LRRFIP2: variants seen among roughly 807,000 people sequenced by gnomAD.
The protein encoded by LRRFIP2 is LRR binding FLII interacting protein 2.
Under a neutral mutation model 125.9 loss-of-function variants are expected in LRRFIP2, and 109 were observed. The ratio of observed to expected loss-of-function variants is 0.87; its 90% CI spans 0.74 to 1.01. The LOEUF is 1.01. LRRFIP2 is among the 50% of genes least tolerant of loss of function. LRRFIP2 has a pLI of 0.00. For missense variants in LRRFIP2, 850 were observed against 862.3 expected, an observed-to-expected ratio of 0.99 and a Z score of 0.18; for synonymous variants, 291 against 293.1, an observed-to-expected ratio of 0.99 and a Z score of 0.07.
At chr3:37,056,522 C>T (rs2086915928) in intron 25 of LRRFIP2, among the ~76,000 whole-genome samples, 1 of 151,260 alleles carries the variant, frequency 6.6e-6, no homozygotes, top group African/African-American at 2.4e-5. Flanking sequence ...GGCGCGATCT[C>T]GGCTCACTGC....
intron 1 of LRRFIP2, among the ~76,000 whole-genome samples, chr3:37,157,217 C>T (rs1352717437): frequency 5.3e-5 from 8 of 152,002 alleles, no homozygotes; most frequent in African/African-American, 9.7e-5. Context: ...CTGAGGCAGG[C>T]GGATCACTTG....
At chr3:37,114,776 G>T (rs186286260) in intron 7 of LRRFIP2, among the ~76,000 whole-genome samples, 2 of 150,552 alleles carry the variant, frequency 1.3e-5, no homozygotes, top group African/African-American at 2.4e-5. Context: ...TTGACAGAGA[G>T]GGACCCCATC....
intron 3 of LRRFIP2, among the ~76,000 whole-genome samples, 184 bp downstream of exon 3, chr3:37,128,879 T>C (rs1045300981): frequency 2.6e-5 from 4 of 152,226 alleles, no homozygotes; most frequent in African/African-American, 7.2e-5. Flanking sequence ...AATGTGTTTG[T>C]TGTTACTACT....
intron 21 of LRRFIP2, 115 bp from the exon 22 acceptor site, chr3:37,066,440 G>T: frequency 2.5e-6 from 2 of 797,240 alleles, no homozygotes; most frequent in East Asian, 5.0e-5. Context: ...AAGCAAGAAA[G>T]CAGTCAAAAG....
At chr3:37,076,302 T>C (rs979450418) in intron 19 of LRRFIP2, among the ~76,000 whole-genome samples, 80 of 151,992 alleles carry the variant, frequency 5.3e-4, no homozygotes, top group African/African-American at 1.9e-3. Context: ...AGCAGGCAGA[T>C]CCCTTGAGCC....
At chr3:37,055,044 G>A in intron 26 of LRRFIP2, 42 bp downstream of exon 26, 1 of 1,325,588 alleles carries the variant, frequency 7.5e-7, no homozygotes, top group Non-Finnish European at 1.1e-6. Flanking sequence ...TTAGATGCAG[G>A]AAGGACATTT....
chr3:37,134,012 T>C (rs533722918), intron 2 of LRRFIP2, among the ~76,000 whole-genome samples: 1 of 152,112 alleles, frequency 6.6e-6, no homozygotes, highest in African/African-American at 2.4e-5. Context: ...TGAAACCCCA[T>C]CTCTACTAAA....
chr3:37,110,840 C>A, intron 9 of LRRFIP2, 151 bp downstream of exon 9: 1 of 586,184 alleles, frequency 1.7e-6, no homozygotes, highest in Non-Finnish European at 3.0e-6. Context: ...TTTAAAGAGA[C>A]TCCCACAGAC....
At chr3:37,145,144 CT>C (rs2095824535) in intron 2 of LRRFIP2, among the ~76,000 whole-genome samples, 2 of 152,128 alleles carry the variant, frequency 1.3e-5, no homozygotes, top group Admixed American at 1.3e-4. Context: ...TGTTTAACCA[CT>C]TTAAGTTTTT....
intron 2 of LRRFIP2, among the ~76,000 whole-genome samples, chr3:37,145,439 G>T (rs1326355287): frequency 6.6e-6 from 1 of 152,146 alleles, no homozygotes; most frequent in Admixed American, 6.5e-5. Flanking sequence ...GGGAAAAAAA[G>T]GTGTTGCTAG....
intron 6 of LRRFIP2, among the ~76,000 whole-genome samples, chr3:37,117,466 T>C (rs1386880460): frequency 6.6e-6 from 1 of 152,080 alleles, no homozygotes. Flanking sequence ...CCCCAATAAG[T>C]AAAAGTTGGC....
At position 37,083,622 on chromosome 3, in the gene LRRFIP2, A is replaced by G; in HGVS notation, c.1278+14T>C. 1.3e-6 allele frequency: 2 copies of G among 1,531,678 alleles called. No individual in the cohort carries two copies. Among genetic ancestry groups the G allele is most frequent in the Non-Finnish European group, 1.7e-6 (2 of 1,146,426 alleles). The allele number at this position is 1,531,678 out of a possible 1,614,324, so 94.9% of individuals were successfully genotyped here. A position where few individuals can be genotyped will look rare whatever the true frequency, so the allele number is the denominator to read the frequency against. On this transcript the variant is annotated intron_variant, in intron 19 of 27. Coordinates refer to ENST00000336686, the MANE Select transcript of LRRFIP2 (RefSeq NM_006309.4). ...TATTTTCTGCCCCAAGAGAAAATACAAGATAAGCATTACCTTTGATTTTTC... is the reference window on the plus strand; with the variant it reads ...TATTTTCTGCCCCAAGAGAAAATACGAGATAAGCATTACCTTTGATTTTTC...
At chr3:37,081,611 C>T (rs1048518189) in intron 19 of LRRFIP2, among the ~76,000 whole-genome samples, 6 of 152,174 alleles carry the variant, frequency 3.9e-5, no homozygotes, top group African/African-American at 9.6e-5. Context: ...AGACCTGCCA[C>T]GGTGGCTCAC....
chr3:37,108,299 C>A (rs530702957), intron 12 of LRRFIP2, among the ~76,000 whole-genome samples, 170 bp from the exon 13 acceptor site: 11 of 152,288 alleles, frequency 7.2e-5, no homozygotes, highest in African/African-American at 2.6e-4. Flanking sequence ...TCCACCAGCC[C>A]TTGGCTAGAG....
chr3:37,152,703 A>G (rs1305242780), intron 1 of LRRFIP2, among the ~76,000 whole-genome samples: 1 of 152,200 alleles, frequency 6.6e-6, no homozygotes, highest in Non-Finnish European at 1.5e-5. Flanking sequence ...TCAGCCTTCC[A>G]AAGTGCTAGG....
intron 2 of LRRFIP2, among the ~76,000 whole-genome samples, chr3:37,147,635 G>A (rs1395149111): frequency 1.3e-5 from 2 of 152,180 alleles, no homozygotes; most frequent in Non-Finnish European, 2.9e-5. Context: ...AGTGTGTAAT[G>A]TGTCAAAAGG....
chr3:37,122,795 T>C (rs1369213200), intron 4 of LRRFIP2, among the ~76,000 whole-genome samples: 1 of 152,206 alleles, frequency 6.6e-6, no homozygotes, highest in Admixed American at 6.5e-5. Context: ...CTAAATTAAA[T>C]GTAATTCTAA....
intron 2 of LRRFIP2, among the ~76,000 whole-genome samples, chr3:37,129,911 C>T (rs1368896349): frequency 1.3e-5 from 2 of 152,084 alleles, no homozygotes; most frequent in Admixed American, 1.3e-4. Context: ...GAAAATTACT[C>T]GAACCTGGAA....
At chr3:37,172,889 G>C (rs577615728) in intron 1 of LRRFIP2, 1 of 152,242 alleles carries the variant, frequency 6.6e-6, no homozygotes, top group South Asian at 2.1e-4. Flanking sequence ...TCCTTCTGAA[G>C]TTTTAAAAGT....
Sources: allele counts gnomAD v4.1 joint callset (sites outside exome capture counted in the v4.1 genomes callset), GRCh38; gene constraint gnomAD v4.1.1; transcripts MANE v1.5; gene names NCBI Gene and HGNC (gene_info 2026-07-23, HGNC 2026-07-21).